The following SH3GL2 variants were observed in gnomAD, a reference collection of about 807,000 sequenced individuals.
SH3GL2 encodes endophilin-A1.
A neutral mutation model predicts 46.0 loss-of-function variants in SH3GL2; 24 were observed. The ratio of observed to expected loss-of-function variants is 0.52; its 90% CI spans 0.38 to 0.73. SH3GL2 has a LOEUF of 0.73. SH3GL2 is among the 30% of genes least tolerant of loss of function. The probability of loss-of-function intolerance (pLI) is 0.00; values close to 1 mark genes in which losing one functional copy is unlikely to be tolerated. For synonymous variants in SH3GL2, 196 were observed against 147.1 expected (o/e 1.33, Z -2.40); for missense variants, 413 against 424.2 (o/e 0.97, Z 0.23).
chr9:17,645,945 T>G (rs1210625795), intron 1 of SH3GL2, among the ~76,000 whole-genome samples: 1 of 152,122 alleles, frequency 6.6e-6, no homozygotes, highest in Non-Finnish European at 1.5e-5. Context: ...GAAGTTCTCC[T>G]GGGTAATATC....
intron 1 of SH3GL2, among the ~76,000 whole-genome samples, chr9:17,586,680 G>T (rs927529259): frequency 6.6e-6 from 1 of 152,128 alleles, no homozygotes; most frequent in Non-Finnish European, 1.5e-5. Flanking sequence ...GCAAAGTGGG[G>T]TAAAAGCCCC....
chr9:17,787,019 G>T (rs1823978238), intron 4 of SH3GL2, among the ~76,000 whole-genome samples: 1 of 152,116 alleles, frequency 6.6e-6, no homozygotes, highest in South Asian at 2.1e-4. Context: ...TCACCCCCTT[G>T]TGATGTGGGA....
chr9:17,596,633 C>T (rs1818576469), intron 1 of SH3GL2, among the ~76,000 whole-genome samples: 1 of 152,176 alleles, frequency 6.6e-6, no homozygotes, highest in Admixed American at 6.5e-5. Flanking sequence ...AGGAGACGTT[C>T]CCAGTGATCC....
intron 1 of SH3GL2, among the ~76,000 whole-genome samples, chr9:17,744,755 C>G (rs1387438037): frequency 3.3e-5 from 5 of 152,184 alleles, no homozygotes; most frequent in Admixed American, 2.6e-4. Context: ...GGCCAAGAAG[C>G]TGGCTTGCCA....
chr9:17,683,088 A>G (rs1301122885), intron 1 of SH3GL2, among the ~76,000 whole-genome samples: 1 of 152,158 alleles, frequency 6.6e-6, no homozygotes, highest in East Asian at 1.9e-4. Flanking sequence ...TTCCAAGTAG[A>G]CAGGACAAGA....
At chr9:17,652,622 C>G (rs925048826) in intron 1 of SH3GL2, among the ~76,000 whole-genome samples, 6 of 151,956 alleles carry the variant, frequency 3.9e-5, no homozygotes, top group African/African-American at 1.5e-4. Context: ...AGTGAGTATC[C>G]CTAATCCAAA....
At chr9:17,637,877 C>CCGGGCG (rs1819577519) in intron 1 of SH3GL2, among the ~76,000 whole-genome samples, 1 of 152,146 alleles carries the variant, frequency 6.6e-6, no homozygotes, top group African/African-American at 2.4e-5. Flanking sequence ...CTGATTTCAG[C>CCGGGCG]CGGGCGCGGT....
intron 1 of SH3GL2, among the ~76,000 whole-genome samples, chr9:17,694,226 A>G (rs761083031): frequency 1.3e-5 from 2 of 152,170 alleles, no homozygotes; most frequent in African/African-American, 2.4e-5. Flanking sequence ...CTGTCCAGGA[A>G]GCTTGTCTTG....
chr9:17,792,821 C>G (rs1311035930), intron 7 of SH3GL2, among the ~76,000 whole-genome samples: 1 of 152,224 alleles, frequency 6.6e-6, no homozygotes, highest in African/African-American at 2.4e-5. Flanking sequence ...TTGTAGATAT[C>G]TCTGACAGTG....
At chr9:17,729,626 T>G (rs1822118017) in intron 1 of SH3GL2, among the ~76,000 whole-genome samples, 2 of 152,224 alleles carry the variant, frequency 1.3e-5, no homozygotes, top group Admixed American at 6.5e-5. Flanking sequence ...CCATCTTGAA[T>G]TAATTTTTGT....
chr9:17,729,596 C>A (rs1323348643), intron 1 of SH3GL2, among the ~76,000 whole-genome samples: 1 of 152,110 alleles, frequency 6.6e-6, no homozygotes, highest in Non-Finnish European at 1.5e-5. Context: ...GGTTTTAGGT[C>A]TGACGTTTAA....
intron 1 of SH3GL2, among the ~76,000 whole-genome samples, chr9:17,663,081 A>G (rs1482270271): frequency 6.6e-6 from 1 of 152,224 alleles, no homozygotes; most frequent in East Asian, 1.9e-4. Context: ...AACAAAAAAT[A>G]TCCTCAGGCT....
intron 1 of SH3GL2, among the ~76,000 whole-genome samples, chr9:17,709,499 G>A (rs965155737): frequency 5.3e-5 from 8 of 152,012 alleles, no homozygotes; most frequent in African/African-American, 1.9e-4. Flanking sequence ...ATGCAAGTGG[G>A]CTGTGTATCA....
chr9:17,783,385 C>T (rs978265102), intron 3 of SH3GL2, among the ~76,000 whole-genome samples: 1 of 151,356 alleles, frequency 6.6e-6, no homozygotes, highest in African/African-American at 2.4e-5. Flanking sequence ...CTAGTTGCCA[C>T]ACTAGATAAG....
intron 1 of SH3GL2, among the ~76,000 whole-genome samples, chr9:17,741,411 G>C (rs1822525987): frequency 2.6e-5 from 4 of 152,260 alleles, no homozygotes; most frequent in Admixed American, 2.6e-4. Flanking sequence ...CAGTTGTAAT[G>C]AAAGTTGTAT....
chr9:17,757,699 A>G (rs929863236), intron 2 of SH3GL2, among the ~76,000 whole-genome samples: 7 of 152,224 alleles, frequency 4.6e-5, no homozygotes, highest in Non-Finnish European at 1.0e-4. Context: ...CATAAGTTCA[A>G]AGTTAAACTG....
At chr9:17,721,415 A>G (rs1821891236) in intron 1 of SH3GL2, among the ~76,000 whole-genome samples, 1 of 152,090 alleles carries the variant, frequency 6.6e-6, no homozygotes. Context: ...TTTTATATGT[A>G]TATTTTAACA....
rs151267655 is a variant in SH3GL2 at position 17,734,679 on chromosome 9, A to G, written c.46-12387A>G. Among the ~76,000 whole-genome samples, 212 of 152,268 alleles carry G rather than the reference A, an allele frequency of 1.4e-3. 3 individuals are homozygous for G. Among genetic ancestry groups the G allele is most frequent in the African/African-American group, 3.9e-3 (163 of 41,588 alleles). ...TGAGGAACCTTGAAAACATAATGCT[A>G]TGTGAAACAAGCCAGAGACAAAACA... On this transcript the variant is annotated intron_variant, in intron 1 of 8. Transcript: ENST00000380607.
At chr9:17,784,967 G>A (rs78197793) in intron 3 of SH3GL2, among the ~76,000 whole-genome samples, 14,345 of 152,212 alleles carry the variant, frequency 0.094, 1,749 homozygotes, top group African/African-American at 0.28. Context: ...CCTGCTTTGG[G>A]CACCAAAGGT....
Sources: allele counts gnomAD v4.1 joint callset (sites outside exome capture counted in the v4.1 genomes callset), GRCh38; gene constraint gnomAD v4.1.1; transcripts MANE v1.5; gene names NCBI Gene and HGNC (gene_info 2026-07-23, HGNC 2026-07-21).